The following DOCK3 variants were observed in gnomAD, a reference collection of about 807,000 sequenced individuals.
DOCK3 encodes dedicator of cytokinesis 3.
Under a neutral mutation model 265.6 loss-of-function variants are expected in DOCK3, and 60 were observed. That is an observed-to-expected ratio of 0.23 (90% CI 0.18 to 0.28). DOCK3 has a LOEUF of 0.28. Ranked by LOEUF, DOCK3 falls within the 10% of genes least tolerant of loss-of-function variation. The probability of loss-of-function intolerance (pLI) is 1.00; values close to 1 mark genes in which losing one functional copy is unlikely to be tolerated. For missense variants in DOCK3, 1,981 were observed against 2,594.3 expected (o/e 0.76, Z 5.14); for synonymous variants, 881 against 938.0 (o/e 0.94, Z 1.11).
chr3:51,362,818 G>A (rs1402687898), intron 49 of DOCK3, 144 bp downstream of exon 49: 2 of 1,248,382 alleles, frequency 1.6e-6, no homozygotes, highest in Non-Finnish European at 2.2e-6. Flanking sequence ...CTAAGGACTC[G>A]AGAGTTCCTG....
At chr3:50,802,349 C>T (rs1026881144) in intron 2 of DOCK3, among the ~76,000 whole-genome samples, 3 of 152,060 alleles carry the variant, frequency 2.0e-5, no homozygotes, top group African/African-American at 4.8e-5. Flanking sequence ...GTGTATGAGT[C>T]CTACCAATGA....
chr3:51,006,236 T>G (rs1462955289), intron 5 of DOCK3, among the ~76,000 whole-genome samples: 2 of 120,876 alleles, frequency 1.7e-5, no homozygotes, highest in African/African-American at 3.1e-5. Context: ...CTCACACTTC[T>G]TATTTCCCAA....
chr3:51,329,267 G>A (rs1223174496), intron 32 of DOCK3, among the ~76,000 whole-genome samples: 1 of 152,148 alleles, frequency 6.6e-6, no homozygotes, highest in African/African-American at 2.4e-5. Context: ...GCTGAGATCA[G>A]GATAAATAGT....
At chr3:51,304,870 T>C (rs948819582) in intron 27 of DOCK3, among the ~76,000 whole-genome samples, 1 of 152,228 alleles carries the variant, frequency 6.6e-6, no homozygotes, top group Non-Finnish European at 1.5e-5. Context: ...GGTTCTTCTC[T>C]GTGGGACCCT....
chr3:51,322,182 C>T (rs986805567), intron 32 of DOCK3, among the ~76,000 whole-genome samples: 8 of 152,050 alleles, frequency 5.3e-5, no homozygotes, highest in Non-Finnish European at 8.8e-5. Context: ...GGCCAATATT[C>T]AACATTCTTT....
At chr3:51,257,996 T>C (rs2079642617) in intron 22 of DOCK3, among the ~76,000 whole-genome samples, 1 of 152,200 alleles carries the variant, frequency 6.6e-6, no homozygotes. Context: ...TTATGTTCCA[T>C]GTCCTCATCC....
chr3:51,331,345 T>G (rs2084504718), intron 33 of DOCK3, among the ~76,000 whole-genome samples: 1 of 152,184 alleles, frequency 6.6e-6, no homozygotes, highest in Non-Finnish European at 1.5e-5. Flanking sequence ...TAGCCGAAGA[T>G]TTGTCTAATT....
chr3:51,231,651 G>A (rs1479628676), intron 19 of DOCK3, among the ~76,000 whole-genome samples: 1 of 152,004 alleles, frequency 6.6e-6, no homozygotes, highest in Non-Finnish European at 1.5e-5. Context: ...ATATATTCTG[G>A]ATATTAGTCA....
intron 40 of DOCK3, among the ~76,000 whole-genome samples, chr3:51,354,328 C>G (rs1387628664): frequency 1.3e-5 from 2 of 151,848 alleles, no homozygotes; most frequent in African/African-American, 4.8e-5. Flanking sequence ...TTAACCCTGT[C>G]CCGGGAAGCA....
At chr3:51,255,735 A>G (rs757017082) in intron 22 of DOCK3, among the ~76,000 whole-genome samples, 2 of 152,112 alleles carry the variant, frequency 1.3e-5, no homozygotes, top group Non-Finnish European at 2.9e-5. Flanking sequence ...GGTCTTCTCT[A>G]TGCTGTGTTT....
intron 4 of DOCK3, among the ~76,000 whole-genome samples, chr3:50,918,995 T>G (rs151299109): frequency 1.3e-5 from 2 of 152,286 alleles, no homozygotes; most frequent in South Asian, 2.1e-4. Flanking sequence ...CCAGTTTTCC[T>G]AGCACCATTT....
At chr3:51,194,179 A>G (rs558400890) in intron 12 of DOCK3, among the ~76,000 whole-genome samples, 12 of 151,994 alleles carry the variant, frequency 7.9e-5, no homozygotes, top group Non-Finnish European at 4.4e-5. Flanking sequence ...ATTTAGGAGT[A>G]TGTTGTTTAA....
intron 1 of DOCK3, 142 bp from the exon 2 acceptor site, chr3:50,778,532 GA>G: frequency 5.4e-6 from 3 of 557,328 alleles, no homozygotes; most frequent in Non-Finnish European, 9.6e-6. Flanking sequence ...AGATTAAATG[GA>G]AAGGGGCTTA....
intron 12 of DOCK3, among the ~76,000 whole-genome samples, chr3:51,183,865 TA>T (rs1163906778): frequency 6.6e-6 from 1 of 152,160 alleles, no homozygotes; most frequent in Non-Finnish European, 1.5e-5. Flanking sequence ...AGTTACATAT[TA>T]AAAGATTTTA....
chr3:50,945,934 T>C (rs539197627), intron 5 of DOCK3, among the ~76,000 whole-genome samples: 1 of 151,784 alleles, frequency 6.6e-6, no homozygotes, highest in Non-Finnish European at 1.5e-5. Context: ...TTAAATGATA[T>C]AAAAAGTTTA....
chr3:50,728,468 C>T (rs1473152371), intron 1 of DOCK3, among the ~76,000 whole-genome samples: 1 of 151,994 alleles, frequency 6.6e-6, no homozygotes, highest in Admixed American at 6.6e-5. Context: ...GAGCTGAAAT[C>T]AATTAAAGAG....
chr3:51,017,262 A>AT (rs1349578699), intron 5 of DOCK3, among the ~76,000 whole-genome samples: 2 of 150,124 alleles, frequency 1.3e-5, no homozygotes, highest in African/African-American at 4.9e-5. Flanking sequence ...TGAGTCTTCT[A>AT]TTTTTATCTT....
intron 4 of DOCK3, among the ~76,000 whole-genome samples, chr3:50,899,086 C>T (rs151209464): frequency 0.094 from 14,359 of 152,186 alleles, 840 homozygotes; most frequent in Non-Finnish European, 0.12. Flanking sequence ...GTGTTAAAAT[C>T]TCCCACTATT....
At chr3:50,760,695 G>A (rs2675775) in intron 1 of DOCK3, among the ~76,000 whole-genome samples, 143,559 of 152,268 alleles carry the variant, frequency 0.94, 68,309 homozygotes, top group East Asian at 1. Flanking sequence ...ATGTAACCAC[G>A]TTGTTAGTCG....
Sources: allele counts gnomAD v4.1 joint callset (sites outside exome capture counted in the v4.1 genomes callset), GRCh38; gene constraint gnomAD v4.1.1; transcripts MANE v1.5; gene names NCBI Gene and HGNC (gene_info 2026-07-23, HGNC 2026-07-21).